Variants in MYO7B observed in about 807,000 individuals in gnomAD.
The protein encoded by MYO7B is unconventional myosin-VIIb.
Under a neutral mutation model 259.7 loss-of-function variants are expected in MYO7B, and 212 were observed. The ratio of observed to expected loss-of-function variants is 0.82; its 90% CI spans 0.73 to 0.91. The LOEUF (loss-of-function observed/expected upper bound fraction) is 0.91, where lower values mean the gene tolerates loss of function less well. MYO7B is among the 40% of genes least tolerant of loss of function. The pLI is 0.00. For missense variants in MYO7B, 2,732 were observed against 2,813.5 expected (o/e 0.97, Z 0.66); for synonymous variants, 1,197 against 1,166.4 (o/e 1.03, Z -0.54).
chr2:127,601,154 T>C (rs1679952582), intron 19 of MYO7B, among the ~76,000 whole-genome samples: 1 of 152,254 alleles, frequency 6.6e-6, no homozygotes, highest in African/African-American at 2.4e-5. Context: ...CTTTGACTTC[T>C]AGTTTGATTT....
rs1264230486 is a variant in MYO7B at position 127,597,112 on chromosome 2, A to AGGGAGCT, written c.2339+557_2339+563dup. ...GGGGACAGAGAGCAGGGCAGGGAGC[A>AGGGAGCT]GGGAGCTAGGGCCCACAGCTAGAGA... On this transcript the variant is annotated intron_variant, in intron 19 of 47. Coordinates refer to ENST00000409816, the MANE Select transcript of MYO7B (RefSeq NM_001393586.1). This position sits in a 1 kb window ranked among gnomAD's most constrained non-coding sequence, Gnocchi z 4.8. Among the ~76,000 whole-genome samples the AGGGAGCT allele has an allele frequency of 6.6e-6, 1 of 152,236 alleles. No homozygotes were observed. The highest frequency in any genetic ancestry group is 2.4e-5 in the African/African-American group (1 of 41,468).
chr2:127,591,498 A>G (rs1219855186), intron 16 of MYO7B, among the ~76,000 whole-genome samples: 2 of 152,322 alleles, frequency 1.3e-5, no homozygotes, highest in African/African-American at 4.8e-5. Context: ...TCAGCACCTC[A>G]TCTTTAAGTT....
Position 127,611,395 on chromosome 2 carries a change from A to G in MYO7B, c.3193-855A>G, listed in dbSNP as rs1210218087. Among the ~76,000 whole-genome samples the G allele has an allele frequency of 6.6e-6, 1 of 152,218 alleles. No homozygotes were observed. Among genetic ancestry groups the G allele is most frequent in the Non-Finnish European group, 1.5e-5 (1 of 68,028 alleles). On this transcript the variant is annotated intron_variant, in intron 24 of 47. Coordinates refer to ENST00000409816, the MANE Select transcript of MYO7B (RefSeq NM_001393586.1). The surrounding 1 kb of genome is among the most constrained non-coding windows in gnomAD (Gnocchi z 5.4). ...ACTCTGGGAGGCAGTCCAGCCAACCAGCACCTCTGAAGGGTGGACATGGGG... is the reference window on the plus strand; with the variant it reads ...ACTCTGGGAGGCAGTCCAGCCAACCGGCACCTCTGAAGGGTGGACATGGGG...
intron 1 of MYO7B, among the ~76,000 whole-genome samples, chr2:127,545,089 C>A (rs1693169565): frequency 6.6e-6 from 1 of 152,204 alleles, no homozygotes; most frequent in Non-Finnish European, 1.5e-5. Flanking sequence ...ATCCAGCAGA[C>A]CTCTGTTGTT....
At chr2:127,569,743 A>T in intron 5 of MYO7B, 46 bp from the exon 6 acceptor site, 1 of 1,577,322 alleles carries the variant, frequency 6.3e-7, no homozygotes, top group South Asian at 1.2e-5. Context: ...GTGTTGAAAA[A>T]AATAGTCGTT....
chr2:127,609,035 G>A lies in MYO7B; in HGVS notation c.2814+157G>A, dbSNP rs1680273022. Among the ~76,000 whole-genome samples, 1 of 152,180 alleles carries A rather than the reference G, an allele frequency of 6.6e-6. No individual in the cohort carries two copies. The highest frequency in any genetic ancestry group is 2.4e-5 in the African/African-American group (1 of 41,444). ...GGTCCCACACGGAAGAGGGGAGCGT[G>A]CGTGGGTTCTGTGGTCAAAGCCTTC... On this transcript the variant is annotated intron_variant, in intron 22 of 47. Transcript: ENST00000409816. This position sits in a 1 kb window ranked among gnomAD's most constrained non-coding sequence, Gnocchi z 6.9.
At position 127,592,824 on chromosome 2, in the gene MYO7B, C is replaced by T; in HGVS notation, c.2023C>T (p.Leu675=). The T allele has an allele frequency of 1.2e-6, 2 of 1,609,912 alleles. No homozygotes were observed. The highest frequency in any genetic ancestry group is 1.7e-6 in the Non-Finnish European group (2 of 1,178,944). Residue 675 remains leucine (L), a synonymous_variant, in exon 17 of 48, where the codon CTG becomes TTG. Transcript: ENST00000409816. ...CGACCGGGAGCTGTGCCTGCGGCAG[C>T]TGCGATACTCGGGCATGATGGAGAC... is the stretch of plus-strand genomic sequence containing the variant. The part of the protein sequence containing the change: ...LFDRELCLRQ[L]RYSGMMETVH...
At position 127,637,411 on chromosome 2, in the gene MYO7B, C is replaced by G; in HGVS notation, c.6423C>G (p.Ser2141Arg). The change falls in exon 48 of 48, where the codon AGC becomes AGG. Residue 2141 changes from serine (S) to arginine (R), a missense_variant. Coordinates refer to ENST00000409816, the MANE Select transcript of MYO7B (RefSeq NM_001393586.1). ...QRGSKAPALAST is the reference protein window; with the variant it reads ...QRGSKAPALART The stretch of plus-strand genomic sequence containing the variant: ...GCTCCAAGGCCCCAGCCCTGGCCAG[C>G]ACCTAGCAGCGGATGCTGGCGTGTC... 1.3e-6 allele frequency: 2 copies of G among 1,529,766 alleles called. No individual in the cohort carries two copies. The highest frequency in any genetic ancestry group is 1.8e-6 in the Non-Finnish European group (2 of 1,138,396). 94.8% of individuals were successfully genotyped at this position (1,529,766 alleles called of 1,614,324 possible). A position where few individuals can be genotyped will look rare whatever the true frequency, so the allele number is the denominator to read the frequency against.
In MYO7B at chr2:127,565,007, C is replaced by A. The variant is rs988054486; in HGVS notation, c.133-226C>A. Reference sequence around the variant, plus strand: ...GCCCCAGCTACGCCCTAACCCTGGGCCCTAGACCCATGCTGACCCAGCCAT... The same window carrying A: ...GCCCCAGCTACGCCCTAACCCTGGGACCTAGACCCATGCTGACCCAGCCAT... On this transcript the variant is annotated intron_variant, in intron 3 of 47. Transcript: ENST00000409816. Among the ~76,000 whole-genome samples, 8 of 152,366 alleles carry A rather than the reference C, an allele frequency of 5.3e-5. No individual in the cohort carries two copies. The East Asian group carries it at 1.5e-3, about 29-fold the overall frequency.
chr2:127,590,252 C>T lies in MYO7B; in HGVS notation c.1992+23C>T. On this transcript the variant is annotated intron_variant, in intron 16 of 47. Transcript: ENST00000409816. This position sits in a 1 kb window ranked among gnomAD's most constrained non-coding sequence, Gnocchi z 4.6. Reference sequence around the variant, plus strand: ...CTGGTAATGACAGGAGGCTGGGGCACAGCAAAGGAGGGAGGAGGAGGAGGC... The same window carrying T: ...CTGGTAATGACAGGAGGCTGGGGCATAGCAAAGGAGGGAGGAGGAGGAGGC... 1.2e-6 allele frequency: 2 copies of T among 1,612,432 alleles called. No individual in the cohort carries two copies. Among genetic ancestry groups the T allele is most frequent in the South Asian group, 1.1e-5 (1 of 91,044 alleles).
rs1681921989 is a variant in MYO7B, at chr2:127,637,548, C to T, written c.*131C>T. 1.5e-6 allele frequency: 1 copy of T among 681,276 alleles called. No homozygotes were observed. The highest frequency in any genetic ancestry group is 2.4e-6 in the Non-Finnish European group (1 of 423,976). The allele number at this position is 681,276 out of a possible 1,614,324, so 42.2% of individuals were successfully genotyped here. ...CATGCTGCCCCCCATACAAAGCCCA[C>T]TCAGCCCCGCAGGCGGCCCCCTCTG... On this transcript the variant is annotated 3_prime_UTR_variant, in exon 48 of 48. Transcript: ENST00000409816.
At chr2:127,540,439 C>G (rs888190143) in intron 1 of MYO7B, among the ~76,000 whole-genome samples, 2 of 152,242 alleles carry the variant, frequency 1.3e-5, no homozygotes, top group South Asian at 2.1e-4. Flanking sequence ...GTTGGGATTA[C>G]AGGCGTGAGC....
intron 6 of MYO7B, among the ~76,000 whole-genome samples, chr2:127,573,215 T>C (rs1402421354): frequency 4.6e-5 from 7 of 152,366 alleles, no homozygotes; most frequent in Admixed American, 4.6e-4. Context: ...ATAAAATCAG[T>C]CTTCTAGAAC....
Position 127,577,280 on chromosome 2 carries a change from G to T in MYO7B, c.849+572G>T, listed in dbSNP as rs1386382595. On this transcript the variant is annotated intron_variant, in intron 8 of 47. Transcript: ENST00000409816. This position sits in a 1 kb window ranked among gnomAD's most constrained non-coding sequence, Gnocchi z 5.2. ...TCTCTCCCATGCAACCCTCTCTCCT[G>T]GGTCCACTGCTCCAAGGCCTTCACC... 6.6e-6 allele frequency among the ~76,000 whole-genome samples: 1 copy of T among 152,088 alleles called. No individual in the cohort carries two copies. Among genetic ancestry groups the T allele is most frequent in the Admixed American group, 6.5e-5 (1 of 15,278 alleles).
At chr2:127,543,580 C>G (rs745420838) in intron 1 of MYO7B, among the ~76,000 whole-genome samples, 1 of 152,124 alleles carries the variant, frequency 6.6e-6, no homozygotes, top group African/African-American at 2.4e-5. Context: ...AGAAAGGAGC[C>G]ATGTGTGAAG....
At chr2:127,588,005 A>C (rs1009791126) in intron 14 of MYO7B, among the ~76,000 whole-genome samples, 1 of 152,212 alleles carries the variant, frequency 6.6e-6, no homozygotes, top group African/African-American at 2.4e-5. Context: ...TTAGGACACC[A>C]ACATATGAAT....
At chr2:127,555,762 A>G (rs1480848857) in intron 1 of MYO7B, among the ~76,000 whole-genome samples, 1 of 152,114 alleles carries the variant, frequency 6.6e-6, no homozygotes, top group African/African-American at 2.4e-5. Context: ...CTGAGAGAGT[A>G]CTTGATATAA....
chr2:127,546,322 C>G lies in MYO7B; in HGVS notation c.-24+10491C>G, dbSNP rs1342013263. ...TTGCTGTGGGGCTCAAATGAGAGAA[C>G]CTGTGGAAAGTGCCCTGCACACAAC... On this transcript the variant is annotated intron_variant, in intron 1 of 47. Transcript: ENST00000409816. This position sits in a 1 kb window ranked among gnomAD's most constrained non-coding sequence, Gnocchi z 4.2. 6.6e-6 allele frequency among the ~76,000 whole-genome samples: 1 copy of G among 152,186 alleles called. No homozygotes were observed. Among genetic ancestry groups the G allele is most frequent in the Admixed American group, 6.5e-5 (1 of 15,282 alleles).
chr2:127,605,758 G>T (rs1680137095), intron 19 of MYO7B, 86 bp from the exon 20 acceptor site: 2 of 1,173,478 alleles, frequency 1.7e-6, no homozygotes, highest in Non-Finnish European at 1.2e-6. Context: ...CACTAACCCT[G>T]TTCCCTTCCA....
Sources: allele counts gnomAD v4.1 joint callset (sites outside exome capture counted in the v4.1 genomes callset), GRCh38; gene constraint gnomAD v4.1.1; non-coding constraint Gnocchi (gnomAD v3.1); transcripts MANE v1.5; gene names NCBI Gene and HGNC (gene_info 2026-07-23, HGNC 2026-07-21).